The following NGDN variants were observed in gnomAD, a reference collection of about 807,000 sequenced individuals.
NGDN encodes the protein neuroguidin.
A neutral mutation model predicts 45.2 loss-of-function variants in NGDN; 41 were observed. That is an observed-to-expected ratio of 0.91 (90% CI 0.71 to 1.18). NGDN has a LOEUF of 1.18. NGDN is among the 50% of genes most tolerant of loss of function. NGDN has a pLI of 0.00. For synonymous variants in NGDN, 137 were observed against 130.9 expected (o/e 1.05, Z -0.32); for missense variants, 402 against 399.9 (o/e 1.01, Z -0.05).
Position 23,477,270 on chromosome 14 carries a change from G to A in NGDN, c.784G>A (p.Ala262Thr). 6.2e-7 allele frequency: 1 copy of A among 1,614,210 alleles called. No individual in the cohort carries two copies. Among genetic ancestry groups the A allele is most frequent in the Non-Finnish European group, 8.5e-7 (1 of 1,180,038 alleles). ...SKREKGRRKRANVMSSQLHSL... is the reference protein window; with the variant it reads ...SKREKGRRKRTNVMSSQLHSL... ...GCGAGAGAAAGGACGGCGAAAACGA[G>A]CAAATGTCATGAGCTCACAACTTCA... The change falls in exon 9 of 11, where the codon GCA becomes ACA. Residue 262 changes from alanine to threonine, a missense_variant. Ala to Thr is a moderately conservative substitution (Grantham distance 58, BLOSUM62 0). Coordinates refer to ENST00000408901, the MANE Select transcript of NGDN (RefSeq NM_001042635.2).
chr14:23,474,361 A>C (rs911498788), intron 3 of NGDN, among the ~76,000 whole-genome samples: 1 of 152,236 alleles, frequency 6.6e-6, no homozygotes, highest in Non-Finnish European at 1.5e-5. Context: ...CAAAGAAAAA[A>C]ATGAAAAATC....
intron 3 of NGDN, among the ~76,000 whole-genome samples, chr14:23,472,939 C>T (rs577823778): frequency 1.5e-3 from 235 of 152,320 alleles, no homozygotes; most frequent in African/African-American, 5.4e-3. Context: ...TGCCCAAGCA[C>T]GTCGGAAGAG....
intron 3 of NGDN, among the ~76,000 whole-genome samples, chr14:23,474,796 C>T (rs1264586426): frequency 6.6e-6 from 1 of 152,120 alleles, no homozygotes; most frequent in Non-Finnish European, 1.5e-5. Context: ...AGGGGCCATC[C>T]GTGGGAAGAG....
In NGDN at chr14:23,476,300, C is replaced by T. The variant is rs1893901534; in HGVS notation, c.606C>T (p.Ser202=). 6.2e-7 allele frequency: 1 copy of T among 1,614,034 alleles called. No individual in the cohort carries two copies. The highest frequency in any genetic ancestry group is 1.3e-5 in the African/African-American group (1 of 74,912). The change falls in exon 8 of 11, where the codon AGC becomes AGT. Residue 202 remains serine, a synonymous_variant. Transcript: ENST00000408901. ...AACGAGCCAAGAGACGGGCATTGAG[C>T]AGCTCTGTCATTCGTGAACTTAAGG... is the stretch of plus-strand genomic sequence containing the variant. ...RLERAKRRAL[S]SSVIRELKEQ...
At position 23,477,963 on chromosome 14, in the gene NGDN, T is replaced by C. The variant is rs372421096; in HGVS notation, c.929-44T>C. The C allele has an allele frequency of 2.7e-5, 44 of 1,614,194 alleles. No individual in the cohort carries two copies. The African/African-American group carries it at 5.5e-4, about 20-fold the overall frequency. On this transcript the variant is annotated intron_variant, in intron 10 of 10. Coordinates refer to ENST00000408901, the MANE Select transcript of NGDN (RefSeq NM_001042635.2). Reference sequence around the variant, plus strand: ...TCCTGTTTTCCTGTCCCTTTAGCTTTTCCAACTGTCCTTTGCCTCATTCTT... The same window carrying C: ...TCCTGTTTTCCTGTCCCTTTAGCTTCTCCAACTGTCCTTTGCCTCATTCTT...
chr14:23,475,402 T>G (rs923828923), intron 4 of NGDN, 94 bp downstream of exon 4: 2 of 1,406,194 alleles, frequency 1.4e-6, no homozygotes, highest in Non-Finnish European at 2.0e-6. Flanking sequence ...AGTCTTCTCA[T>G]GTTTAAGGAA....
chr14:23,476,184 G>T (rs144625479), intron 7 of NGDN, 32 bp downstream of exon 7: 1 of 1,613,926 alleles, frequency 6.2e-7, no homozygotes, highest in Non-Finnish European at 8.5e-7. Flanking sequence ...TCCTCAGCAT[G>T]AACTGTTTCT....
intron 3 of NGDN, 82 bp from the exon 4 acceptor site, chr14:23,475,089 A>G (rs1459993352): frequency 4.2e-6 from 6 of 1,438,684 alleles, no homozygotes; most frequent in Non-Finnish European, 5.6e-6. Context: ...GAACTTGGAA[A>G]AACATCCCGT....
intron 3 of NGDN, 123 bp from the exon 4 acceptor site, chr14:23,475,048 A>G (rs763755756): frequency 9.5e-5 from 85 of 897,906 alleles, no homozygotes; most frequent in Admixed American, 1.2e-4. Context: ...ACTATTCCAG[A>G]TACCTAATAT....
At chr14:23,470,790 A>T (rs1440594323) in intron 2 of NGDN, 116 bp from the exon 3 acceptor site, 3 of 716,902 alleles carry the variant, frequency 4.2e-6, no homozygotes, top group Non-Finnish European at 7.0e-6. Flanking sequence ...ATAGTACTAT[A>T]CTTTAGACAG....
In NGDN at chr14:23,476,121, T is replaced by C. The variant is rs370072227; in HGVS notation, c.513T>C (p.Tyr171=). ...KKSVKGVSKK[Y]VPPRLVPVHY... Reference sequence around the variant, plus strand: ...CTGTGAAGGGAGTGTCTAAGAAATATGTTCCTCCACGCTTGGTTCCAGTAC... The same window carrying C: ...CTGTGAAGGGAGTGTCTAAGAAATACGTTCCTCCACGCTTGGTTCCAGTAC... The change falls in exon 7 of 11, where the codon TAT becomes TAC. Residue 171 remains tyrosine (Y), a synonymous_variant. Coordinates refer to ENST00000408901, the MANE Select transcript of NGDN (RefSeq NM_001042635.2). The C allele has an allele frequency of 2.5e-6, 4 of 1,614,072 alleles. No homozygotes were observed. Among genetic ancestry groups the C allele is most frequent in the Non-Finnish European group, 2.5e-6 (3 of 1,180,024 alleles).
In NGDN at chr14:23,476,419, T is replaced by C. The variant is rs763820645; in HGVS notation, c.713+12T>C. On this transcript the variant is annotated intron_variant, in intron 8 of 10. Coordinates refer to ENST00000408901, the MANE Select transcript of NGDN (RefSeq NM_001042635.2). Reference sequence around the variant, plus strand: ...GAGGACCAACACAGGTCTGAGCCCTTGCATTAGAAATTATTCCTGCACTCT... The same window carrying C: ...GAGGACCAACACAGGTCTGAGCCCTCGCATTAGAAATTATTCCTGCACTCT... 1.2e-6 allele frequency: 2 copies of C among 1,600,570 alleles called. No homozygotes were observed. The highest frequency in any genetic ancestry group is 2.2e-5 in the South Asian group (2 of 90,506).
intron 1 of NGDN, 97 bp downstream of exon 1, chr14:23,469,824 T>G (rs1330328465): frequency 6.6e-7 from 1 of 1,509,042 alleles, no homozygotes. Flanking sequence ...GGAAGGGTGG[T>G]GATGAAAGTT....
At chr14:23,475,035 G>C in intron 3 of NGDN, 136 bp from the exon 4 acceptor site, 1 of 734,516 alleles carries the variant, frequency 1.4e-6, no homozygotes, top group Non-Finnish European at 2.1e-6. Flanking sequence ...GCTACTTCTT[G>C]AGACTATTCC....
At position 23,476,112 on chromosome 14, in the gene NGDN, T is replaced by G. The variant is rs146132391; in HGVS notation, c.504T>G (p.Ser168=). ...GGAAGAAATCTGTGAAGGGAGTGTC[T>G]AAGAAATATGTTCCTCCACGCTTGG... ...ASGKKSVKGV[S]KKYVPPRLVP... Residue 168 remains serine (S), a synonymous_variant, in exon 7 of 11, where the codon TCT becomes TCG. Transcript: ENST00000408901. 5.0e-4 allele frequency: 806 copies of G among 1,614,168 alleles called. 1 individual carries two copies. In the Middle Eastern group the frequency reaches 0.012, roughly 24 times the overall value.
intron 10 of NGDN, 128 bp downstream of exon 10, chr14:23,477,688 C>CCA: frequency 6.7e-7 from 1 of 1,490,034 alleles, no homozygotes; most frequent in Non-Finnish European, 8.9e-7. Flanking sequence ...CAATAATCTC[C>CCA]TTAGGTGGGC....
intron 2 of NGDN, chr14:23,470,404 C>T (rs1458773333): frequency 6.1e-6 from 2 of 326,620 alleles, no homozygotes; most frequent in South Asian, 5.2e-5. Flanking sequence ...CACTTATATA[C>T]AGATGCTTCT....
intron 8 of NGDN, 131 bp from the exon 9 acceptor site, chr14:23,477,069 A>C: frequency 1.3e-6 from 1 of 744,252 alleles, no homozygotes; most frequent in Non-Finnish European, 2.2e-6. Flanking sequence ...ACTAAATACT[A>C]TGTTGATCTG....
chr14:23,473,505 A>G (rs963254862), intron 3 of NGDN, among the ~76,000 whole-genome samples: 1 of 152,054 alleles, frequency 6.6e-6, no homozygotes, highest in African/African-American at 2.4e-5. Context: ...TCTTTGTGGC[A>G]GGGAGGAAAT....
Sources: gnomAD v4.1 joint callset for allele counts (sites outside exome capture counted in the v4.1 genomes callset) on GRCh38, gnomAD v4.1.1 for gene constraint, MANE v1.5 for transcripts, NCBI Gene and HGNC (gene_info 2026-07-23, HGNC 2026-07-21) for gene names.